CDK19: variants seen among roughly 807,000 people sequenced by gnomAD.
The protein encoded by CDK19 is cyclin-dependent kinase 19.
In CDK19, 20 loss-of-function variants were observed where a neutral mutation model predicts 68.3. That is an observed-to-expected ratio of 0.29 (90% confidence interval 0.21 to 0.43). The LOEUF is 0.43. CDK19 is among the 20% of genes least tolerant of loss of function. CDK19 has a pLI of 1.00. For missense variants in CDK19, 339 were observed against 623.5 expected, an observed-to-expected ratio of 0.54 and a Z score of 4.86; for synonymous variants, 221 against 222.8, an observed-to-expected ratio of 0.99 and a Z score of 0.07.
At chr6:110,680,997 AAAAT>A (rs1214288830) in intron 2 of CDK19, among the ~76,000 whole-genome samples, 2 of 151,826 alleles carry the variant, frequency 1.3e-5, no homozygotes, top group African/African-American at 2.4e-5. Flanking sequence ...ACTCTGTCTC[AAAAT>A]AAATAAATAA....
intron 4 of CDK19, among the ~76,000 whole-genome samples, chr6:110,648,172 C>T (rs1780729046): frequency 6.6e-6 from 1 of 152,048 alleles, no homozygotes; most frequent in Admixed American, 6.6e-5. Context: ...CCTACTATCA[C>T]CACTTATAAA....
intron 4 of CDK19, among the ~76,000 whole-genome samples, chr6:110,661,041 T>A (rs1781588994): frequency 6.6e-6 from 1 of 152,188 alleles, no homozygotes; most frequent in South Asian, 2.1e-4. Flanking sequence ...TTGTGTAAAC[T>A]CCTCTCCTTG....
At chr6:110,651,687 T>C (rs1351599231) in intron 4 of CDK19, among the ~76,000 whole-genome samples, 1 of 152,230 alleles carries the variant, frequency 6.6e-6, no homozygotes, top group Non-Finnish European at 1.5e-5. Flanking sequence ...CTGGTTTTGC[T>C]ATCAAGATTA....
intron 2 of CDK19, among the ~76,000 whole-genome samples, chr6:110,728,537 T>C (rs1776514276): frequency 6.6e-6 from 1 of 151,722 alleles, no homozygotes; most frequent in Admixed American, 6.6e-5. Context: ...CTCCTCTATC[T>C]TTACTCTCAT....
chr6:110,784,017 G>A lies in CDK19; in HGVS notation c.128+30992C>T, dbSNP rs566802774. Among the ~76,000 whole-genome samples the A allele has an allele frequency of 5.9e-5, 9 of 151,748 alleles. No individual in the cohort carries two copies. In the East Asian group the frequency reaches 1.2e-3, roughly 20 times the overall value. ...TCTACTAAAAATACAAAAATTAGCCGGCATGATGGTGCACACTTGTAATAT... is the reference window on the plus strand; with the variant it reads ...TCTACTAAAAATACAAAAATTAGCCAGCATGATGGTGCACACTTGTAATAT... On this transcript the variant is annotated intron_variant, in intron 1 of 12. Transcript: ENST00000368911.
At chr6:110,748,301 T>TC (rs1471702486) in intron 1 of CDK19, among the ~76,000 whole-genome samples, 1 of 152,180 alleles carries the variant, frequency 6.6e-6, no homozygotes, top group African/African-American at 2.4e-5. Flanking sequence ...GAATTTCACA[T>TC]CCAGGCTGTC....
chr6:110,788,055 G>A (rs1404019349), intron 1 of CDK19, among the ~76,000 whole-genome samples: 4 of 152,024 alleles, frequency 2.6e-5, no homozygotes, highest in Non-Finnish European at 4.4e-5. Flanking sequence ...AGTCAGGCTG[G>A]TCTTGAACTC....
intron 1 of CDK19, among the ~76,000 whole-genome samples, chr6:110,757,706 G>C (rs1583033691): frequency 6.6e-6 from 1 of 152,112 alleles, no homozygotes; most frequent in Non-Finnish European, 1.5e-5. Context: ...GGTTGTTCAA[G>C]TACATCAAAA....
intron 4 of CDK19, among the ~76,000 whole-genome samples, chr6:110,661,367 A>C (rs927071114): frequency 1.6e-4 from 25 of 152,236 alleles, no homozygotes; most frequent in African/African-American, 6.0e-4. Flanking sequence ...GGTTCCAATG[A>C]GATGTAATTC....
chr6:110,714,562 T>C (rs1235862189), intron 2 of CDK19, among the ~76,000 whole-genome samples: 1 of 152,068 alleles, frequency 6.6e-6, no homozygotes, highest in Non-Finnish European at 1.5e-5. Flanking sequence ...TCACCAATAG[T>C]TGTTATTTCC....
At chr6:110,695,728 C>CA (rs2114607114) in intron 2 of CDK19, among the ~76,000 whole-genome samples, 1 of 151,998 alleles carries the variant, frequency 6.6e-6, no homozygotes, top group South Asian at 2.1e-4. Context: ...TTTATGCGCA[C>CA]AAAGTAGAAA....
chr6:110,774,791 A>G (rs2115007571), intron 1 of CDK19, among the ~76,000 whole-genome samples: 1 of 152,292 alleles, frequency 6.6e-6, no homozygotes, highest in South Asian at 2.1e-4. Context: ...TCTACTAAAA[A>G]TACAAAAACT....
intron 1 of CDK19, among the ~76,000 whole-genome samples, chr6:110,780,603 A>G (rs111696866): frequency 0.012 from 1,886 of 152,142 alleles, 35 homozygotes; most frequent in African/African-American, 0.043. Flanking sequence ...TTTTTTCAGT[A>G]CGGTTGTTCA....
At chr6:110,705,589 G>C (rs921942746) in intron 2 of CDK19, among the ~76,000 whole-genome samples, 2 of 152,168 alleles carry the variant, frequency 1.3e-5, no homozygotes, top group Non-Finnish European at 2.9e-5. Flanking sequence ...AGCTATTTAA[G>C]GCACAGGATT....
At chr6:110,806,616 C>T (rs1782699775) in intron 1 of CDK19, among the ~76,000 whole-genome samples, 1 of 152,110 alleles carries the variant, frequency 6.6e-6, no homozygotes, top group Non-Finnish European at 1.5e-5. Context: ...TGAGATACAA[C>T]AAAACTATTA....
In CDK19 at chr6:110,721,799, C is replaced by T. The variant is rs554525547; in HGVS notation, c.204+24327G>A. Reference sequence around the variant, plus strand: ...CCAACATGGTGAAACCTCGTCTCTACAAAAAAATACAAAAATTAGCCAGGC... The same window carrying T: ...CCAACATGGTGAAACCTCGTCTCTATAAAAAAATACAAAAATTAGCCAGGC... On this transcript the variant is annotated intron_variant, in intron 2 of 12. Coordinates refer to ENST00000368911, the MANE Select transcript of CDK19 (RefSeq NM_015076.5). 5.6e-4 allele frequency among the ~76,000 whole-genome samples: 85 copies of T among 151,930 alleles called. 1 individual carries two copies. Among genetic ancestry groups the T allele is most frequent in the African/African-American group, 1.9e-3 (79 of 41,456 alleles).
rs949525743 is a variant in CDK19 at position 110,610,962 on chromosome 6, C to A, written c.*3573G>T. 2 of 152,186 alleles carry A rather than the reference C, an allele frequency of 1.3e-5. No homozygotes were observed. The highest frequency in any genetic ancestry group is 2.9e-5 in the Non-Finnish European group (2 of 68,046). The allele number at this position is 152,186 out of a possible 1,614,324, so 9.4% of individuals were successfully genotyped here. A position where few individuals can be genotyped will look rare whatever the true frequency, so the allele number is the denominator to read the frequency against. The stretch of plus-strand genomic sequence containing the variant: ...CAGCACACATAGGTAAATGTCATCC[C>A]TTTCCATTCTTAAGAGTCCATTATG... On this transcript the variant is annotated 3_prime_UTR_variant, in exon 13 of 13. Coordinates refer to ENST00000368911, the MANE Select transcript of CDK19 (RefSeq NM_015076.5).
intron 2 of CDK19, among the ~76,000 whole-genome samples, chr6:110,738,116 A>G (rs1443080311): frequency 1.3e-5 from 2 of 152,212 alleles, no homozygotes; most frequent in African/African-American, 4.8e-5. Flanking sequence ...TTTCACAGAA[A>G]AGGTAAAATA....
chr6:110,774,883 G>A (rs1354024059), intron 1 of CDK19, among the ~76,000 whole-genome samples: 1 of 151,754 alleles, frequency 6.6e-6, no homozygotes, highest in Non-Finnish European at 1.5e-5. Flanking sequence ...CAGGAGGTTG[G>A]GGCTGTAGTG....
Sources: gnomAD v4.1 joint callset for allele counts (sites outside exome capture counted in the v4.1 genomes callset) on GRCh38, gnomAD v4.1.1 for gene constraint, MANE v1.5 for transcripts, NCBI Gene and HGNC (gene_info 2026-07-23, HGNC 2026-07-21) for gene names.